The following RAB38 variants were observed in gnomAD, a reference collection of about 807,000 sequenced individuals.
RAB38 encodes RAB38, member RAS oncogene family.
RAB38 carries 15 observed loss-of-function variants against 18.4 expected under a neutral mutation model. The observed-to-expected ratio is 0.82, with a 90% CI of 0.55 to 1.26. The LOEUF (loss-of-function observed/expected upper bound fraction) is 1.26. RAB38 is among the 50% of genes most tolerant of loss of function. RAB38 has a pLI of 0.00. For synonymous variants in RAB38, 101 were observed against 104.4 expected, an observed-to-expected ratio of 0.97 and a Z score of 0.20; for missense variants, 294 against 267.4, an observed-to-expected ratio of 1.10 and a Z score of -0.69.
the RAB38 span, among the ~76,000 whole-genome samples, chr11:88,089,454 G>C: frequency 2.6e-5 from 4 of 151,928 alleles, no homozygotes; most frequent in Non-Finnish European, 5.9e-5. Context: ...TTCCAGAAGA[G>C]AGTGCCCTTC....
chr11:88,037,529 T>C, the RAB38 span, among the ~76,000 whole-genome samples: 4 of 152,126 alleles, frequency 2.6e-5, no homozygotes, highest in African/African-American at 4.8e-5. Context: ...AATCAAGACA[T>C]AGAACATTCT....
chr11:87,970,161 A>T, the RAB38 span, among the ~76,000 whole-genome samples: 2 of 152,096 alleles, frequency 1.3e-5, no homozygotes, highest in African/African-American at 4.8e-5. Flanking sequence ...TAAGCACTCA[A>T]CTTGGGAGCA....
chr11:87,940,322 G>C, the RAB38 span, among the ~76,000 whole-genome samples: 1 of 152,054 alleles, frequency 6.6e-6, no homozygotes, highest in African/African-American at 2.4e-5. Flanking sequence ...GAATGAGAAA[G>C]ACACTCATCT....
the RAB38 span, among the ~76,000 whole-genome samples, chr11:87,881,363 A>T: frequency 6.6e-6 from 1 of 151,878 alleles, no homozygotes; most frequent in African/African-American, 2.4e-5. Flanking sequence ...ATGCCTATCC[A>T]GTTGTTAATA....
At chr11:87,822,749 C>A in the RAB38 span, among the ~76,000 whole-genome samples, 2 of 152,070 alleles carry the variant, frequency 1.3e-5, no homozygotes, top group African/African-American at 2.4e-5. Flanking sequence ...AGTCTATATA[C>A]AAGGGAAGGA....
the RAB38 span, among the ~76,000 whole-genome samples, chr11:88,077,722 G>A: frequency 6.6e-6 from 1 of 152,044 alleles, no homozygotes; most frequent in Non-Finnish European, 1.5e-5. Context: ...CATAGATATT[G>A]GCAAATATAT....
chr11:87,805,284 A>T, the RAB38 span, among the ~76,000 whole-genome samples: 1 of 152,122 alleles, frequency 6.6e-6, no homozygotes, highest in Admixed American at 6.6e-5. Flanking sequence ...ATGGACATCT[A>T]TGTTTATACA....
At chr11:88,071,243 GACACACAC>G in the RAB38 span, among the ~76,000 whole-genome samples, 2 of 148,522 alleles carry the variant, frequency 1.3e-5, no homozygotes, top group South Asian at 2.2e-4. Context: ...ACTGGGGGAG[GACACACAC>G]ACACACACAC....
chr11:87,878,257 TCTATC>T, the RAB38 span, among the ~76,000 whole-genome samples: 1 of 93,722 alleles, frequency 1.1e-5, no homozygotes, highest in Admixed American at 1.1e-4. Flanking sequence ...CTATCATCTA[TCTATC>T]TATCTATCTA....
At chr11:87,866,853 C>T in the RAB38 span, among the ~76,000 whole-genome samples, 1 of 151,760 alleles carries the variant, frequency 6.6e-6, no homozygotes, top group Non-Finnish European at 1.5e-5. Context: ...GTCAGGAAAG[C>T]TTCTGGCATG....
intron 1 of RAB38, among the ~76,000 whole-genome samples, chr11:88,161,288 A>G (rs1053753898): frequency 6.6e-6 from 1 of 152,058 alleles, no homozygotes; most frequent in African/African-American, 2.4e-5. Flanking sequence ...TTGTGCCCAA[A>G]GCCTGAATTC....
chr11:87,864,574 T>A, the RAB38 span, among the ~76,000 whole-genome samples: 6 of 151,710 alleles, frequency 4.0e-5, no homozygotes, highest in Non-Finnish European at 8.8e-5. Flanking sequence ...ATCTTACTTT[T>A]TTGACAGCAA....
chr11:87,819,794 G>GTGTGTATATATATATA, the RAB38 span, among the ~76,000 whole-genome samples: 175 of 146,520 alleles, frequency 1.2e-3, 1 homozygote, highest in African/African-American at 4.2e-3. Flanking sequence ...GTATATATGT[G>GTGTGTATATATATATA]TGTGTGTATA....
At chr11:87,866,548 T>C in the RAB38 span, among the ~76,000 whole-genome samples, 3 of 151,900 alleles carry the variant, frequency 2.0e-5, no homozygotes, top group Admixed American at 2.0e-4. Flanking sequence ...GAGTCTTGGC[T>C]CTGCCTCTGT....
At chr11:88,047,093 C>G in the RAB38 span, among the ~76,000 whole-genome samples, 360 of 152,324 alleles carry the variant, frequency 2.4e-3, no homozygotes, top group African/African-American at 8.4e-3. Flanking sequence ...ACAAACTGTG[C>G]TCAACTTACT....
chr11:87,932,996 G>T, the RAB38 span, among the ~76,000 whole-genome samples: 7 of 152,060 alleles, frequency 4.6e-5, no homozygotes, highest in Non-Finnish European at 4.4e-5. Context: ...TTTCTGAAGA[G>T]CCCTATCAAT....
the RAB38 span, among the ~76,000 whole-genome samples, chr11:88,013,320 G>C: frequency 5.9e-5 from 9 of 152,198 alleles, no homozygotes; most frequent in Non-Finnish European, 7.4e-5. Context: ...TATTTTGTTT[G>C]TTTTAGTTCA....
intron 2 of RAB38, among the ~76,000 whole-genome samples, chr11:88,133,307 A>G (rs549577246): frequency 5.3e-5 from 8 of 152,310 alleles, no homozygotes; most frequent in African/African-American, 7.2e-5. Flanking sequence ...AATGTTGGAA[A>G]CTTCCAAAAT....
the RAB38 span, among the ~76,000 whole-genome samples, chr11:88,094,783 C>T: frequency 6.6e-6 from 1 of 151,902 alleles, no homozygotes; most frequent in Non-Finnish European, 1.5e-5. Context: ...CTGCCAACTT[C>T]GAGTGTGTTC....
Sources: allele counts gnomAD v4.1 joint callset (sites outside exome capture counted in the v4.1 genomes callset), GRCh38; gene constraint gnomAD v4.1.1; transcripts MANE v1.5; gene names NCBI Gene and HGNC (gene_info 2026-07-23, HGNC 2026-07-21).